The following PLEKHF2 variants were observed in gnomAD, a reference collection of about 807,000 sequenced individuals.
PLEKHF2 encodes the protein pleckstrin homology domain-containing family F member 2.
In PLEKHF2, 4 loss-of-function variants were observed where a neutral mutation model predicts 14.7. The ratio of observed to expected loss-of-function variants is 0.27; its 90% CI spans 0.13 to 0.62. The LOEUF (loss-of-function observed/expected upper bound fraction) is 0.62. Ranked by LOEUF, PLEKHF2 falls within the 20% of genes least tolerant of loss-of-function variation. PLEKHF2 has a pLI of 0.85. For missense variants in PLEKHF2, 201 were observed against 307.7 expected (o/e 0.65, Z 2.60); for synonymous variants, 90 against 103.5 (o/e 0.87, Z 0.79).
chr8:95,134,802 A>C (rs888304035), intron 1 of PLEKHF2, among the ~76,000 whole-genome samples: 7 of 152,272 alleles, frequency 4.6e-5, no homozygotes, highest in Middle Eastern at 6.8e-3. Context: ...TAGACTCACA[A>C]AACGCGTTGT....
At chr8:95,137,601 A>G (rs1263874631) in intron 1 of PLEKHF2, among the ~76,000 whole-genome samples, 1 of 152,278 alleles carries the variant, frequency 6.6e-6, no homozygotes, top group Non-Finnish European at 1.5e-5. Context: ...GTAGTTGAGT[A>G]AAATGCAGAG....
intron 1 of PLEKHF2, among the ~76,000 whole-genome samples, chr8:95,135,869 T>C (rs1810369138): frequency 6.6e-6 from 1 of 152,226 alleles, no homozygotes; most frequent in South Asian, 2.1e-4. Flanking sequence ...CTGCTCTGAC[T>C]TGAATTTAGT....
chr8:95,137,416 A>G (rs528630728), intron 1 of PLEKHF2, among the ~76,000 whole-genome samples: 70 of 152,370 alleles, frequency 4.6e-4, no homozygotes, highest in African/African-American at 1.3e-3. Context: ...GCTACTTAAA[A>G]AGAATATTGC....
At position 95,154,724 on chromosome 8, in the gene PLEKHF2, A is replaced by T. The variant is rs778773087; in HGVS notation, c.680A>T (p.Tyr227Phe). ...TGCCAGCCTGCTAGATCAGACTCTT[A>T]CAGCCAGTCATTGAAGTCTCCTTTA... ...ATCQPARSDS[Y>F]SQSLKSPLND... The change falls in exon 2 of 2, where the codon TAC becomes TTC. Residue 227 changes from tyrosine (Y) to phenylalanine (F), a missense_variant. Transcript: ENST00000315367. This position sits in a 1 kb window ranked among gnomAD's most constrained non-coding sequence, Gnocchi z 5.6. The T allele has an allele frequency of 3.7e-6, 6 of 1,614,094 alleles. No homozygotes were observed. In the South Asian group the frequency reaches 6.6e-5, roughly 18 times the overall value.
intron 1 of PLEKHF2, among the ~76,000 whole-genome samples, chr8:95,137,059 A>C (rs1208999854): frequency 6.6e-6 from 1 of 152,256 alleles, no homozygotes; most frequent in Non-Finnish European, 1.5e-5. Context: ...CACTGGAAAG[A>C]AAGCAAGTTG....
Position 95,134,045 on chromosome 8 carries a change from G to T in PLEKHF2, c.-15+15G>T. The T allele has an allele frequency of 6.6e-6, 1 of 151,886 alleles. No homozygotes were observed. Among genetic ancestry groups the T allele is most frequent in the South Asian group, 2.0e-4 (1 of 4,954 alleles). 9.4% of individuals were successfully genotyped at this position (151,886 alleles called of 1,614,324 possible). ...CGGCCGTCGGGGTAGGTGAAGCCCG[G>T]GTGGGTGGTCCGCCGGCTCCTGACG... is the stretch of plus-strand genomic sequence containing the variant. On this transcript the variant is annotated intron_variant, in intron 1 of 1. Transcript: ENST00000315367.
intron 1 of PLEKHF2, among the ~76,000 whole-genome samples, chr8:95,143,719 G>A (rs907118813): frequency 1.3e-5 from 2 of 152,228 alleles, no homozygotes; most frequent in Non-Finnish European, 2.9e-5. Flanking sequence ...AACAGAGAAT[G>A]TAGAGAAAGA....
intron 1 of PLEKHF2, among the ~76,000 whole-genome samples, chr8:95,149,157 A>G (rs1032238617): frequency 2.6e-5 from 4 of 152,180 alleles, no homozygotes; most frequent in African/African-American, 9.6e-5. Flanking sequence ...CTACGGAAGA[A>G]AACATTAAAT....
In PLEKHF2 at chr8:95,154,716, A is replaced by C. The variant is rs757375183; in HGVS notation, c.672A>C (p.Ser224=). Residue 224 remains serine (S), a synonymous_variant, in exon 2 of 2, where the codon TCA becomes TCC. Coordinates refer to ENST00000315367, the MANE Select transcript of PLEKHF2 (RefSeq NM_024613.4). This position sits in a 1 kb window ranked among gnomAD's most constrained non-coding sequence, Gnocchi z 5.6. ...TGGCCACATGCCAGCCTGCTAGATC[A>C]GACTCTTACAGCCAGTCATTGAAGT... ...GDMATCQPAR[S]DSYSQSLKSP... The C allele has an allele frequency of 1.9e-6, 3 of 1,614,148 alleles. No individual in the cohort carries two copies. The highest frequency in any genetic ancestry group is 2.5e-6 in the Non-Finnish European group (3 of 1,179,990).
intron 1 of PLEKHF2, among the ~76,000 whole-genome samples, chr8:95,141,802 A>G (rs1047185232): frequency 6.6e-6 from 1 of 151,788 alleles, no homozygotes; most frequent in African/African-American, 2.4e-5. Flanking sequence ...GGCCTTCTAA[A>G]ATGTTGGGGT....
intron 1 of PLEKHF2, among the ~76,000 whole-genome samples, chr8:95,138,094 C>G: frequency 6.6e-6 from 1 of 152,078 alleles, no homozygotes; most frequent in East Asian, 1.9e-4. Flanking sequence ...CTACCTTTGT[C>G]CCTGCCCTAC....
chr8:95,154,086 T>A lies in PLEKHF2; in HGVS notation c.42T>A (p.Arg14=). Residue 14 remains arginine, a synonymous_variant, in exon 2 of 2, where the codon CGT becomes CGA. Coordinates refer to ENST00000315367, the MANE Select transcript of PLEKHF2 (RefSeq NM_024613.4). The surrounding 1 kb of genome is among the most constrained non-coding windows in gnomAD (Gnocchi z 5.6). ...RLANSEANTR[R]ISIVENCFGA... ...CAAACAGTGAAGCAAATACTAGACG[T>A]ATAAGTATAGTGGAAAACTGTTTTG... 6.2e-7 allele frequency: 1 copy of A among 1,613,058 alleles called. No individual in the cohort carries two copies. The highest frequency in any genetic ancestry group is 8.5e-7 in the Non-Finnish European group (1 of 1,179,530).
chr8:95,139,700 T>C (rs1810419533), intron 1 of PLEKHF2, among the ~76,000 whole-genome samples: 1 of 152,200 alleles, frequency 6.6e-6, no homozygotes, highest in Non-Finnish European at 1.5e-5. Context: ...GAAAACTTTT[T>C]ATGTGCCACA....
At chr8:95,149,021 CAAAA>C (rs575859215) in intron 1 of PLEKHF2, among the ~76,000 whole-genome samples, 4 of 148,126 alleles carry the variant, frequency 2.7e-5, no homozygotes, top group Admixed American at 6.7e-5. Flanking sequence ...ACTAGGAAAA[CAAAA>C]AAAAAGGGAT....
intron 1 of PLEKHF2, among the ~76,000 whole-genome samples, chr8:95,146,632 G>A (rs1020957820): frequency 8.6e-5 from 13 of 151,884 alleles, no homozygotes; most frequent in African/African-American, 3.1e-4. Context: ...CTAGGATGGA[G>A]CTTAGACAAT....
At chr8:95,148,587 T>G (rs1423781900) in intron 1 of PLEKHF2, among the ~76,000 whole-genome samples, 1 of 152,076 alleles carries the variant, frequency 6.6e-6, no homozygotes, top group Non-Finnish European at 1.5e-5. Context: ...ATCAGTAGAT[T>G]AGATTACTAA....
intron 1 of PLEKHF2, among the ~76,000 whole-genome samples, chr8:95,145,675 T>C (rs1347918023): frequency 5.3e-5 from 8 of 152,126 alleles, no homozygotes; most frequent in South Asian, 2.1e-4. Context: ...CTGCCCACCT[T>C]GGCCTCCCAA....
intron 1 of PLEKHF2, among the ~76,000 whole-genome samples, chr8:95,138,366 G>A (rs112083876): frequency 4.9e-5 from 2 of 40,588 alleles, no homozygotes; most frequent in Admixed American, 3.3e-4. Context: ...CCCCCCCCCC[G>A]CCCCTTTTTC....
intron 1 of PLEKHF2, among the ~76,000 whole-genome samples, chr8:95,136,601 T>C (rs940554653): frequency 2.0e-5 from 3 of 152,160 alleles, no homozygotes; most frequent in African/African-American, 7.2e-5. Context: ...GCTTGAAAAA[T>C]TTAAAGGTCA....
Sources: gnomAD v4.1 joint callset for allele counts (sites outside exome capture counted in the v4.1 genomes callset) on GRCh38, gnomAD v4.1.1 for gene constraint, Gnocchi (gnomAD v3.1) non-coding constraint, MANE v1.5 for transcripts, NCBI Gene and HGNC (gene_info 2026-07-23, HGNC 2026-07-21) for gene names.